LYPLAL1: variants seen among roughly 807,000 people sequenced by gnomAD.
LYPLAL1 encodes the protein lysophospholipase-like protein 1.
Under a neutral mutation model 19.7 loss-of-function variants are expected in LYPLAL1, and 23 were observed. The observed-to-expected ratio is 1.17, with a 90% CI of 0.84 to 1.65. The LOEUF (loss-of-function observed/expected upper bound fraction) is 1.65. Among genes scored for constraint, LYPLAL1 ranks in the 40% most tolerant of loss-of-function variants. The pLI, the probability that LYPLAL1 is intolerant of heterozygous loss-of-function variation, is 0.00. For synonymous variants in LYPLAL1, 119 were observed against 96.3 expected (o/e 1.24, Z -1.38); for missense variants, 355 against 279.4 (o/e 1.27, Z -1.93).
At chr1:219,274,735 G>A in the LYPLAL1 span, among the ~76,000 whole-genome samples, 8 of 152,284 alleles carry the variant, frequency 5.3e-5, no homozygotes, top group African/African-American at 1.7e-4. Context: ...ATTTCAGGAA[G>A]TAGGTTCTAT....
rs531260610 is a variant in LYPLAL1, at chr1:219,206,723, CTT to C, written c.362-3797_362-3796del. On this transcript the variant is annotated intron_variant, in intron 3 of 4. Transcript: ENST00000366928. The stretch of plus-strand genomic sequence containing the variant: ...GTGCGGGTAAATGTTTTCTTTCTCT[CTT>C]TTTTTTTTTTTAAGTTGTTACCATC... Among the ~76,000 whole-genome samples the C allele has an allele frequency of 2.3e-4, 33 of 141,804 alleles. No individual in the cohort carries two copies. In the East Asian group the frequency reaches 5.8e-3, roughly 25 times the overall value. 93.0% of individuals were successfully genotyped at this position (141,804 alleles called of 152,430 possible).
chr1:219,229,298 AGAGAGAG>A, the LYPLAL1 span, among the ~76,000 whole-genome samples: 7 of 3,852 alleles, frequency 1.8e-3, no homozygotes, highest in Non-Finnish European at 0.04. Flanking sequence ...GCATTTTGAG[AGAGAGAG>A]AGAGAGAGAG....
the LYPLAL1 span, among the ~76,000 whole-genome samples, chr1:219,374,135 GAT>G: frequency 2.3e-3 from 346 of 149,424 alleles, 2 homozygotes; most frequent in African/African-American, 7.2e-3. Context: ...GTTTTGTGTG[GAT>G]TTTTTTTTTT....
At chr1:219,388,352 C>T in the LYPLAL1 span, among the ~76,000 whole-genome samples, 1 of 152,112 alleles carries the variant, frequency 6.6e-6, no homozygotes, top group African/African-American at 2.4e-5. Flanking sequence ...TAAGTCTCTC[C>T]ATGTTTTGGT....
chr1:219,299,022 G>A, the LYPLAL1 span, among the ~76,000 whole-genome samples: 1 of 152,068 alleles, frequency 6.6e-6, no homozygotes, highest in African/African-American at 2.4e-5. Context: ...TAATTTTAGA[G>A]CATTAACACA....
chr1:219,177,935 T>A (rs1655961068), intron 1 of LYPLAL1, among the ~76,000 whole-genome samples: 1 of 152,218 alleles, frequency 6.6e-6, no homozygotes, highest in Non-Finnish European at 1.5e-5. Context: ...TCTCTGCTTT[T>A]CAGTTCTTAC....
At chr1:219,400,220 G>T in the LYPLAL1 span, among the ~76,000 whole-genome samples, 1 of 151,902 alleles carries the variant, frequency 6.6e-6, no homozygotes, top group Admixed American at 6.6e-5. Context: ...GATCTGTTAG[G>T]AGTGCACCAG....
intron 3 of LYPLAL1, among the ~76,000 whole-genome samples, chr1:219,206,875 T>G (rs993859900): frequency 1.3e-5 from 2 of 151,998 alleles, no homozygotes; most frequent in Admixed American, 6.5e-5. Flanking sequence ...ATGTAAGTTT[T>G]TGCCTACTAA....
At chr1:219,359,450 GT>G in the LYPLAL1 span, among the ~76,000 whole-genome samples, 25 of 152,224 alleles carry the variant, frequency 1.6e-4, no homozygotes, top group African/African-American at 5.8e-4. Flanking sequence ...CAGACAAGCG[GT>G]TTTCTTGTGA....
the LYPLAL1 span, among the ~76,000 whole-genome samples, chr1:219,331,063 T>C: frequency 6.6e-6 from 1 of 151,074 alleles, no homozygotes. Context: ...TTAAATGTTC[T>C]TCTCATCCTT....
the LYPLAL1 span, among the ~76,000 whole-genome samples, chr1:219,305,883 C>T: frequency 1.5e-4 from 23 of 152,330 alleles, no homozygotes; most frequent in East Asian, 5.8e-4. Flanking sequence ...CTCTGAACTA[C>T]AATACTTCCA....
the LYPLAL1 span, among the ~76,000 whole-genome samples, chr1:219,385,488 T>G: frequency 6.6e-6 from 1 of 152,118 alleles, no homozygotes; most frequent in Non-Finnish European, 1.5e-5. Flanking sequence ...TTTAAAGCAG[T>G]GTTCCACTGT....
the LYPLAL1 span, among the ~76,000 whole-genome samples, chr1:219,251,005 G>A: frequency 1.3e-5 from 2 of 152,026 alleles, no homozygotes; most frequent in Non-Finnish European, 2.9e-5. Flanking sequence ...ATTCTGACTG[G>A]TGTGAGATAG....
chr1:219,415,924 C>A, the LYPLAL1 span, among the ~76,000 whole-genome samples: 1 of 152,142 alleles, frequency 6.6e-6, no homozygotes, highest in African/African-American at 2.4e-5. Context: ...CTTCACATAG[C>A]GCTTCTCTCT....
chr1:219,405,014 C>T, the LYPLAL1 span, among the ~76,000 whole-genome samples: 1 of 152,174 alleles, frequency 6.6e-6, no homozygotes, highest in Non-Finnish European at 1.5e-5. Flanking sequence ...GTAACTTTCA[C>T]CTTTTATTAA....
chr1:219,366,692 T>A, the LYPLAL1 span, among the ~76,000 whole-genome samples: 1 of 152,132 alleles, frequency 6.6e-6, no homozygotes, highest in Non-Finnish European at 1.5e-5. Flanking sequence ...CCAAACCTGA[T>A]GTTGCTGGAG....
the LYPLAL1 span, among the ~76,000 whole-genome samples, chr1:219,430,005 T>C: frequency 6.6e-6 from 1 of 152,132 alleles, no homozygotes; most frequent in Non-Finnish European, 1.5e-5. Flanking sequence ...GTCAGTGCTC[T>C]TGTCTAGGTC....
the LYPLAL1 span, among the ~76,000 whole-genome samples, chr1:219,240,673 A>C: frequency 6.6e-6 from 1 of 152,192 alleles, no homozygotes; most frequent in Non-Finnish European, 1.5e-5. Context: ...CTCATGTTTC[A>C]TTCTTTTTCA....
intron 3 of LYPLAL1, among the ~76,000 whole-genome samples, chr1:219,209,554 G>A (rs1658834006): frequency 6.6e-6 from 1 of 152,116 alleles, no homozygotes; most frequent in Non-Finnish European, 1.5e-5. Flanking sequence ...ACTTTGTTAA[G>A]TGAAATAAAG....
Sources: allele counts gnomAD v4.1 joint callset (sites outside exome capture counted in the v4.1 genomes callset), GRCh38; gene constraint gnomAD v4.1.1; transcripts MANE v1.5; gene names NCBI Gene and HGNC (gene_info 2026-07-23, HGNC 2026-07-21).